ZNF26: variants seen among roughly 807,000 people sequenced by gnomAD.
The protein encoded by ZNF26 is epididymis luminal protein 179.
ZNF26 carries 32 observed loss-of-function variants against 54.9 expected under a neutral mutation model. The observed-to-expected ratio is 0.58, with a 90% CI of 0.44 to 0.78. ZNF26 has a LOEUF of 0.78. Ranked by LOEUF, ZNF26 falls within the 30% of genes least tolerant of loss-of-function variation. The probability of loss-of-function intolerance (pLI) is 0.00; values close to 1 mark genes in which losing one functional copy is unlikely to be tolerated. For synonymous variants in ZNF26, 221 were observed against 209.2 expected, an observed-to-expected ratio of 1.06 and a Z score of -0.49; for missense variants, 524 against 634.0, an observed-to-expected ratio of 0.83 and a Z score of 1.86.
At chr12:132,995,684 C>T (rs1200589123) in intron 1 of ZNF26, among the ~76,000 whole-genome samples, 1 of 152,042 alleles carries the variant, frequency 6.6e-6, no homozygotes, top group Non-Finnish European at 1.5e-5. Context: ...CAGAGTCTTG[C>T]TCTGTCGCCC....
intron 3 of ZNF26, 142 bp from the exon 4 acceptor site, chr12:133,009,994 G>A (rs1263232860): frequency 2.4e-6 from 2 of 828,796 alleles, no homozygotes; most frequent in African/African-American, 1.7e-5. Flanking sequence ...CCCCATGCTT[G>A]GCCAGTATTT....
intron 1 of ZNF26, among the ~76,000 whole-genome samples, chr12:133,002,113 A>T (rs1168359801): frequency 6.6e-6 from 1 of 152,058 alleles, no homozygotes; most frequent in African/African-American, 2.4e-5. Context: ...ATCTTCCGTC[A>T]TTCATGGACC....
Position 133,011,541 on chromosome 12 carries a change from A to G in ZNF26, c.*60A>G. 6.8e-7 allele frequency: 1 copy of G among 1,465,574 alleles called. No individual in the cohort carries two copies. Among genetic ancestry groups the G allele is most frequent in the Admixed American group, 2.5e-5 (1 of 39,904 alleles). 90.8% of individuals were successfully genotyped at this position (1,465,574 alleles called of 1,614,324 possible). ...TCAGGAGACTTCGGATAATATAGACAGGATTTACAAGCAGGAGGCCCTAAA... is the reference window on the plus strand; with the variant it reads ...TCAGGAGACTTCGGATAATATAGACGGGATTTACAAGCAGGAGGCCCTAAA... On this transcript the variant is annotated 3_prime_UTR_variant, in exon 4 of 4. Transcript: ENST00000328654.
chr12:132,990,501 T>C (rs1952925272), intron 1 of ZNF26, among the ~76,000 whole-genome samples: 1 of 152,210 alleles, frequency 6.6e-6, no homozygotes, highest in Non-Finnish European at 1.5e-5. Flanking sequence ...ATAATTTTTC[T>C]GTAGTTTTCT....
rs1465698327 is a variant in ZNF26 at position 133,016,285 on chromosome 12, A to G, written c.*4804A>G. ...ATGGGGTTTCACCATTTTGGCCAGGATGGTCTCAAACTCCTGACCTCAGGT... is the reference window on the plus strand; with the variant it reads ...ATGGGGTTTCACCATTTTGGCCAGGGTGGTCTCAAACTCCTGACCTCAGGT... On this transcript the variant is annotated 3_prime_UTR_variant, in exon 4 of 4. Transcript: ENST00000328654. The G allele has an allele frequency of 6.6e-6, 1 of 151,420 alleles. No homozygotes were observed. The highest frequency in any genetic ancestry group is 2.4e-5 in the African/African-American group (1 of 41,226). 9.4% of individuals were successfully genotyped at this position (151,420 alleles called of 1,614,324 possible).
rs1953578479 is a variant in ZNF26 at position 133,017,317 on chromosome 12, G to C, written c.*5836G>C. The C allele has an allele frequency of 6.6e-6, 1 of 152,084 alleles. No homozygotes were observed. Among genetic ancestry groups the C allele is most frequent in the Non-Finnish European group, 1.5e-5 (1 of 68,028 alleles). 9.4% of individuals were successfully genotyped at this position (152,084 alleles called of 1,614,324 possible). ...GTGGTGGTCCCATGACTGATCTATT[G>C]GTCACACCTTATGCTTACCCCACCA... On this transcript the variant is annotated 3_prime_UTR_variant, in exon 4 of 4. Transcript: ENST00000328654.
chr12:132,990,983 C>T (rs1028091424), intron 1 of ZNF26, among the ~76,000 whole-genome samples: 64 of 151,796 alleles, frequency 4.2e-4, no homozygotes, highest in Non-Finnish European at 7.2e-4. Context: ...CTCAGCCTCC[C>T]GAGTAGCTGG....
chr12:133,007,450 C>T lies in ZNF26; in HGVS notation c.174C>T (p.Thr58=). 1.9e-6 allele frequency: 3 copies of T among 1,613,474 alleles called. No individual in the cohort carries two copies. The highest frequency in any genetic ancestry group is 2.5e-6 in the Non-Finnish European group (3 of 1,179,618). ...HNLISVGYHG[T]KPDLIFKLEQ... The stretch of plus-strand genomic sequence containing the variant: ...TCCCATCAACAGGGTATCATGGTAC[C>T]AAGCCTGACTTAATCTTCAAGTTGG... Residue 58 remains threonine (T), a synonymous_variant, in exon 3 of 4, where the codon ACC becomes ACT. Transcript: ENST00000328654.
intron 1 of ZNF26, among the ~76,000 whole-genome samples, chr12:133,003,860 G>T (rs953084875): frequency 1.3e-5 from 2 of 152,194 alleles, no homozygotes; most frequent in African/African-American, 4.8e-5. Flanking sequence ...AGAGGAGTCT[G>T]TTGGCTGTAG....
chr12:133,010,793 A>G lies in ZNF26; in HGVS notation c.914A>G (p.Gln305Arg). The G allele has an allele frequency of 2.5e-6, 4 of 1,614,044 alleles. No individual in the cohort carries two copies. Among genetic ancestry groups the G allele is most frequent in the Non-Finnish European group, 3.4e-6 (4 of 1,180,014 alleles). Residue 305 changes from glutamine to arginine, a missense_variant, in exon 4 of 4, where the codon CAG (glutamine) becomes CGG (arginine). Physicochemically the swap from Gln to Arg is conservative, Grantham distance 43. Transcript: ENST00000328654. ...FSLKSPFVVHQRTHTGVKPHK... is the reference protein window; with the variant it reads ...FSLKSPFVVHRRTHTGVKPHK... ...TTGAAGTCTCCATTCGTTGTACACC[A>G]GAGAACTCATACAGGAGTGAAACCC...
At position 132,986,391 on chromosome 12, in the gene ZNF26, G is replaced by C. The variant is rs1165408769; in HGVS notation, c.-450G>C. 7 of 163,086 alleles carry C rather than the reference G, an allele frequency of 4.3e-5. No individual in the cohort carries two copies. The highest frequency in any genetic ancestry group is 1.7e-4 in the African/African-American group (7 of 41,990). 10.1% of individuals were successfully genotyped at this position (163,086 alleles called of 1,614,324 possible). On this transcript the variant is annotated 5_prime_UTR_variant, in exon 1 of 4. Coordinates refer to ENST00000328654, the MANE Select transcript of ZNF26 (RefSeq NM_019591.4). ...CACTCCCGGCCTTAGTCGGGTGCGC[G>C]CGTGCAGGGCTGTTTCCGGCTTAGA...
In ZNF26 at chr12:133,027,031, T is replaced by C. The variant is rs1953714303; in HGVS notation, c.*15550T>C. The C allele has an allele frequency of 6.6e-6, 1 of 152,252 alleles. No homozygotes were observed. The highest frequency in any genetic ancestry group is 2.1e-4 in the South Asian group (1 of 4,824). The allele number at this position is 152,252 out of a possible 1,614,324, so 9.4% of individuals were successfully genotyped here. A position where few individuals can be genotyped will look rare whatever the true frequency, so the allele number is the denominator to read the frequency against. On this transcript the variant is annotated 3_prime_UTR_variant, in exon 4 of 4. Transcript: ENST00000328654. Reference sequence around the variant, plus strand: ...AATAAAATGCAACACCTTTTTACGATTATAAACCCCTCAGCAAACATACTT... The same window carrying C: ...AATAAAATGCAACACCTTTTTACGACTATAAACCCCTCAGCAAACATACTT...
At chr12:133,000,850 T>C (rs1330448861) in intron 1 of ZNF26, among the ~76,000 whole-genome samples, 6 of 152,250 alleles carry the variant, frequency 3.9e-5, no homozygotes, top group Admixed American at 3.3e-4. Flanking sequence ...TGAACTACCA[T>C]GCCTGGCCTG....
At position 133,011,396 on chromosome 12, in the gene ZNF26, G is replaced by A. The variant is rs1475308418; in HGVS notation, c.1517G>A (p.Gly506Glu). 3.7e-6 allele frequency: 6 copies of A among 1,607,156 alleles called. No homozygotes were observed. The highest frequency in any genetic ancestry group is 5.1e-6 in the Non-Finnish European group (6 of 1,177,210). ...SLSEHQRVHT[G>E]EKPWKCSECG... ...AGTGAACATCAGAGAGTTCACACCG[G>A]AGAGAAACCATGGAAATGCTCTGAA... Residue 506 changes from glycine to glutamate, a missense_variant, in exon 4 of 4, where the codon GGA becomes GAA. Gly to Glu is a moderately conservative substitution (Grantham distance 98). Transcript: ENST00000328654.
rs1953697897 is a variant in ZNF26, at chr12:133,025,979, G to A, written c.*14498G>A. 6.6e-6 allele frequency: 1 copy of A among 152,506 alleles called. No individual in the cohort carries two copies. The highest frequency in any genetic ancestry group is 6.5e-5 in the Admixed American group (1 of 15,292). The allele number at this position is 152,506 out of a possible 1,614,324, so 9.4% of individuals were successfully genotyped here. On this transcript the variant is annotated 3_prime_UTR_variant, in exon 4 of 4. Coordinates refer to ENST00000328654, the MANE Select transcript of ZNF26 (RefSeq NM_019591.4). ...AGCTCACACACAGACTACATCAAGA[G>A]TGAGAGATGCCTAAAACACCCCCAG...
At chr12:132,995,577 C>T (rs1489969474) in intron 1 of ZNF26, among the ~76,000 whole-genome samples, 4 of 152,056 alleles carry the variant, frequency 2.6e-5, no homozygotes, top group Non-Finnish European at 5.9e-5. Context: ...GTCATATTTT[C>T]CTGCCTCATG....
Position 133,011,473 on chromosome 12 carries a change from CATAAATG to C in ZNF26, c.1596_1602del (p.His532GlnfsTer5). 1 of 1,539,974 alleles carries C rather than the reference CATAAATG, an allele frequency of 6.5e-7. No homozygotes were observed. Among genetic ancestry groups the C allele is most frequent in the Admixed American group, 2.2e-5 (1 of 46,144 alleles). On this transcript the variant is annotated frameshift_variant and stop_lost, in exon 4 of 4. Coordinates refer to ENST00000328654, the MANE Select transcript of ZNF26 (RefSeq NM_019591.4). LOFTEE classifies it high-confidence loss of function. Reference sequence around the variant, plus strand: ...AGGGCTTCGTATACATCGGAAGACTCATAAATGAGAAATCAGAATGATGCAATGTGAG... The same window carrying C: ...AGGGCTTCGTATACATCGGAAGACTCAGAAATCAGAATGATGCAATGTGAG...
At chr12:132,991,280 G>C (rs959993232) in intron 1 of ZNF26, among the ~76,000 whole-genome samples, 1 of 150,906 alleles carries the variant, frequency 6.6e-6, no homozygotes, top group African/African-American at 2.4e-5. Context: ...GGTGAATCAC[G>C]AGGTCAGATG....
chr12:132,995,208 AC>A (rs1346556665), intron 1 of ZNF26: 1 of 152,608 alleles, frequency 6.6e-6, no homozygotes, highest in Non-Finnish European at 1.5e-5. Context: ...AAATTGCACC[AC>A]CATAGTTGAT....
Sources: gnomAD v4.1 joint callset for allele counts (sites outside exome capture counted in the v4.1 genomes callset) on GRCh38, gnomAD v4.1.1 for gene constraint, MANE v1.5 for transcripts, NCBI Gene and HGNC (gene_info 2026-07-23, HGNC 2026-07-21) for gene names.